Variants in LRRC4C observed in about 807,000 individuals in gnomAD.
LRRC4C encodes leucine rich repeat containing 4C.
A neutral mutation model predicts 33.6 loss-of-function variants in LRRC4C; 5 were observed. The observed-to-expected ratio is 0.15, with a 90% CI of 0.08 to 0.31. The LOEUF is 0.31. Ranked by LOEUF, LRRC4C falls within the 10% of genes least tolerant of loss-of-function variation. The pLI, the probability that LRRC4C is intolerant of heterozygous loss-of-function variation, is 1.00. For synonymous variants in LRRC4C, 329 were observed against 302.0 expected, an observed-to-expected ratio of 1.09 and a Z score of -0.93; for missense variants, 560 against 796.7, an observed-to-expected ratio of 0.70 and a Z score of 3.58.
chr11:41,117,033 T>TC (rs1942168330), intron 1 of LRRC4C, among the ~76,000 whole-genome samples: 1 of 150,414 alleles, frequency 6.6e-6, no homozygotes, highest in East Asian at 2.0e-4. Flanking sequence ...CAGTAGAATG[T>TC]CTAACAGTTT....
At chr11:40,853,704 C>A (rs1253695464) in intron 2 of LRRC4C, among the ~76,000 whole-genome samples, 1 of 152,090 alleles carries the variant, frequency 6.6e-6, no homozygotes, top group Non-Finnish European at 1.5e-5. Context: ...TTTATTAAAT[C>A]AATTTTGTCT....
chr11:41,349,482 AAAC>A (rs1403309731), intron 1 of LRRC4C, among the ~76,000 whole-genome samples: 2 of 152,138 alleles, frequency 1.3e-5, no homozygotes, highest in Non-Finnish European at 2.9e-5. Context: ...CAAAACAAAA[AAAC>A]AACAACAAAA....
intron 3 of LRRC4C, among the ~76,000 whole-genome samples, chr11:40,375,374 G>A (rs1167056128): frequency 6.6e-6 from 1 of 152,122 alleles, no homozygotes; most frequent in African/African-American, 2.4e-5. Context: ...TTTAACAGCT[G>A]GAGAGGAATG....
chr11:41,400,894 T>C (rs1489309387), intron 1 of LRRC4C, among the ~76,000 whole-genome samples: 1 of 151,916 alleles, frequency 6.6e-6, no homozygotes, highest in Non-Finnish European at 1.5e-5. Flanking sequence ...TTTTGTCCCC[T>C]GTTCCCATAA....
intron 1 of LRRC4C, among the ~76,000 whole-genome samples, chr11:41,375,296 C>T (rs1952897444): frequency 1.3e-5 from 2 of 152,112 alleles, no homozygotes; most frequent in South Asian, 4.2e-4. Context: ...ATGCCAGGTG[C>T]TAACAGGAAA....
At chr11:40,547,347 C>T (rs530846023) in intron 3 of LRRC4C, among the ~76,000 whole-genome samples, 1 of 152,134 alleles carries the variant, frequency 6.6e-6, no homozygotes, top group South Asian at 2.1e-4. Context: ...ATCTTGAAGC[C>T]AAATTCTGGG....
intron 3 of LRRC4C, among the ~76,000 whole-genome samples, chr11:40,331,657 C>G (rs1378012481): frequency 6.6e-6 from 1 of 152,150 alleles, no homozygotes. Context: ...AATATAACCA[C>G]AAGGTGGAGG....
At chr11:40,188,719 C>T (rs759993315) in intron 5 of LRRC4C, among the ~76,000 whole-genome samples, 24 of 152,126 alleles carry the variant, frequency 1.6e-4, no homozygotes, top group Non-Finnish European at 2.9e-4. Flanking sequence ...CAAACACACA[C>T]ACACATGCAC....
intron 1 of LRRC4C, among the ~76,000 whole-genome samples, chr11:40,966,705 T>C (rs1264464296): frequency 6.6e-6 from 1 of 151,896 alleles, no homozygotes; most frequent in African/African-American, 2.4e-5. Flanking sequence ...TTTCCTTGAT[T>C]TTTCTCTTCA....
intron 1 of LRRC4C, among the ~76,000 whole-genome samples, chr11:41,117,565 T>G (rs1263067888): frequency 2.6e-5 from 4 of 152,170 alleles, no homozygotes; most frequent in African/African-American, 9.6e-5. Flanking sequence ...AATTAAGCAT[T>G]GATGTCATCA....
intron 3 of LRRC4C, among the ~76,000 whole-genome samples, chr11:40,555,782 G>T (rs1437583073): frequency 6.6e-6 from 1 of 152,170 alleles, no homozygotes; most frequent in Admixed American, 6.5e-5. Flanking sequence ...GTTAAAAATG[G>T]CTGAGTACTG....
chr11:41,411,147 T>TTC, intron 1 of LRRC4C, among the ~76,000 whole-genome samples: 1 of 28,748 alleles, frequency 3.5e-5, no homozygotes, highest in Non-Finnish European at 8.9e-5. Flanking sequence ...ACCCTATTTT[T>TTC]TTTTTTTTTT....
chr11:40,784,901 G>C (rs1271385821), intron 2 of LRRC4C, among the ~76,000 whole-genome samples: 1 of 151,856 alleles, frequency 6.6e-6, no homozygotes, highest in Non-Finnish European at 1.5e-5. Context: ...CAGAAAGAAA[G>C]AAGAAAAAAA....
intron 3 of LRRC4C, among the ~76,000 whole-genome samples, chr11:40,641,581 C>A (rs560435999): frequency 2.6e-5 from 4 of 152,230 alleles, no homozygotes; most frequent in Non-Finnish European, 5.9e-5. Flanking sequence ...AAAGTTGATG[C>A]GAAGAGTTTA....
chr11:40,727,681 C>T (rs1034139663), intron 2 of LRRC4C, among the ~76,000 whole-genome samples: 2 of 152,128 alleles, frequency 1.3e-5, no homozygotes, highest in African/African-American at 4.8e-5. Context: ...TATCCCGAAC[C>T]TATAAGGCAC....
rs1170830465 is a variant in LRRC4C, at chr11:40,962,962, CTT to C, written c.-495-29241_-495-29240del. On this transcript the variant is annotated intron_variant, in intron 1 of 6. Transcript: ENST00000528697. ...AGCAAATTAAACATATTAAAACTGA[CTT>C]ATTAATTCAAACTCTGTGGACTTAT... 5.3e-5 allele frequency among the ~76,000 whole-genome samples: 8 copies of C among 151,742 alleles called. No individual in the cohort carries two copies. In the East Asian group the frequency reaches 1.6e-3, roughly 29 times the overall value.
chr11:40,546,245 G>T (rs147757337), intron 3 of LRRC4C, among the ~76,000 whole-genome samples: 6 of 151,988 alleles, frequency 3.9e-5, no homozygotes, highest in African/African-American at 1.4e-4. Flanking sequence ...ATCACACATT[G>T]GTAGAGGAGA....
chr11:41,240,732 T>C (rs1359492212), intron 1 of LRRC4C, among the ~76,000 whole-genome samples: 4 of 152,170 alleles, frequency 2.6e-5, no homozygotes, highest in Admixed American at 1.3e-4. Context: ...TCTGCTTTCA[T>C]TGGAGAAAGG....
chr11:41,069,182 T>G (rs1056083236), intron 1 of LRRC4C, among the ~76,000 whole-genome samples: 1 of 152,122 alleles, frequency 6.6e-6, no homozygotes, highest in Non-Finnish European at 1.5e-5. Context: ...TTGATTATTC[T>G]AATAGAGACA....
Sources: allele counts gnomAD v4.1 joint callset (sites outside exome capture counted in the v4.1 genomes callset), GRCh38; gene constraint gnomAD v4.1.1; transcripts MANE v1.5; gene names NCBI Gene and HGNC (gene_info 2026-07-23, HGNC 2026-07-21).